Variants in ELMO1 observed in about 807,000 individuals in gnomAD.
ELMO1 encodes engulfment and cell motility 1, also known as engulfment and cell motility protein 1.
A neutral mutation model predicts 98.9 loss-of-function variants in ELMO1; 26 were observed. The observed-to-expected ratio is 0.26, with a 90% CI of 0.19 to 0.36. The LOEUF (loss-of-function observed/expected upper bound fraction) is 0.36, where lower values mean the gene tolerates loss of function less well. Among genes scored for constraint, ELMO1 ranks in the 10% least tolerant of loss-of-function variants. The probability of loss-of-function intolerance (pLI) is 1.00; values close to 1 mark genes in which losing one functional copy is unlikely to be tolerated. For synonymous variants in ELMO1, 346 were observed against 346.0 expected (o/e 1.00, Z 0.00); for missense variants, 627 against 935.2 (o/e 0.67, Z 4.30).
At chr7:37,383,734 G>A (rs1199561693) in intron 1 of ELMO1, among the ~76,000 whole-genome samples, 1 of 152,218 alleles carries the variant, frequency 6.6e-6, no homozygotes, top group Admixed American at 6.5e-5. Context: ...CGGGAAAAGA[G>A]TCTAATCATA....
intron 16 of ELMO1, among the ~76,000 whole-genome samples, chr7:36,984,495 C>T (rs559313109): frequency 2.6e-5 from 4 of 152,282 alleles, no homozygotes; most frequent in East Asian, 1.9e-4. Flanking sequence ...CTTCTATAGG[C>T]GAAAGCTTTC....
intron 9 of ELMO1, among the ~76,000 whole-genome samples, chr7:37,224,290 G>C (rs1231481203): frequency 6.6e-6 from 1 of 152,216 alleles, no homozygotes; most frequent in Non-Finnish European, 1.5e-5. Flanking sequence ...GAGGAAAGAA[G>C]GGGAAAAATG....
At position 37,025,936 on chromosome 7, in the gene ELMO1, T is replaced by TCTA. The variant is rs1554395451; in HGVS notation, c.1301-12502_1301-12501insTAG. On this transcript the variant is annotated intron_variant, in intron 15 of 21. Transcript: ENST00000310758. ...ATCTATCTATCTATCTATCTATCTA[T>TCTA]TTTTTTCTATTGATTCTGTTTCTCT... Among the ~76,000 whole-genome samples, 1,296 of 148,232 alleles carry TCTA rather than the reference T, an allele frequency of 8.7e-3. 17 individuals are homozygous for TCTA. Among genetic ancestry groups the TCTA allele is most frequent in the African/African-American group, 0.03 (1,196 of 39,824 alleles).
At chr7:37,061,511 C>T (rs117898258) in intron 15 of ELMO1, among the ~76,000 whole-genome samples, 12 of 152,252 alleles carry the variant, frequency 7.9e-5, no homozygotes, top group East Asian at 5.8e-4. Flanking sequence ...CACTCCCACC[C>T]GTCCTTTTTT....
intron 1 of ELMO1, among the ~76,000 whole-genome samples, chr7:37,394,567 A>G (rs1803213537): frequency 6.6e-6 from 1 of 152,248 alleles, no homozygotes; most frequent in African/African-American, 2.4e-5. Flanking sequence ...AGCAAGGGGC[A>G]TAAGCATATA....
intron 20 of ELMO1, among the ~76,000 whole-genome samples, chr7:36,863,002 T>C (rs549391658): frequency 1.3e-5 from 2 of 152,202 alleles, no homozygotes; most frequent in Admixed American, 6.5e-5. Flanking sequence ...AGTGGCTGCA[T>C]CCCTGTCCTG....
chr7:37,389,652 G>A (rs1802979975), intron 1 of ELMO1, among the ~76,000 whole-genome samples: 1 of 152,136 alleles, frequency 6.6e-6, no homozygotes, highest in South Asian at 2.1e-4. Flanking sequence ...TAATAGCTTG[G>A]TCACAGGTAG....
intron 13 of ELMO1, among the ~76,000 whole-genome samples, chr7:37,137,383 A>T (rs1787335838): frequency 6.6e-6 from 1 of 152,188 alleles, no homozygotes; most frequent in East Asian, 1.9e-4. Flanking sequence ...AAAGTCAACA[A>T]AGAAACAATG....
At chr7:36,963,933 T>G (rs1789183704) in intron 16 of ELMO1, among the ~76,000 whole-genome samples, 1 of 152,246 alleles carries the variant, frequency 6.6e-6, no homozygotes, top group African/African-American at 2.4e-5. Flanking sequence ...TGCTTTAATG[T>G]GATATCTGAA....
At chr7:37,370,111 G>C (rs540806581) in intron 1 of ELMO1, among the ~76,000 whole-genome samples, 2 of 152,286 alleles carry the variant, frequency 1.3e-5, no homozygotes, top group South Asian at 2.1e-4. Flanking sequence ...GTCAGCCTCC[G>C]CCTCTGCTCT....
At position 37,086,404 on chromosome 7, in the gene ELMO1, CAT is replaced by C. The variant is rs553551131; in HGVS notation, c.1300+10213_1300+10214del. On this transcript the variant is annotated intron_variant, in intron 15 of 21. Coordinates refer to ENST00000310758, the MANE Select transcript of ELMO1 (RefSeq NM_014800.11). ...GAGAAAAAGAGGGTGAATGATAAAA[CAT>C]ATGTGGCAAAATGTTGGCATAACTA... Among the ~76,000 whole-genome samples, 9 of 148,266 alleles carry C rather than the reference CAT, an allele frequency of 6.1e-5. No homozygotes were observed. In the South Asian group the frequency reaches 1.1e-3, roughly 18 times the overall value.
At chr7:37,418,541 G>A (rs184156118) in intron 1 of ELMO1, among the ~76,000 whole-genome samples, 1 of 152,334 alleles carries the variant, frequency 6.6e-6, no homozygotes. Context: ...CCCCTGGGGT[G>A]AGCAAGACCT....
chr7:36,879,753 G>C (rs976429972), intron 18 of ELMO1, among the ~76,000 whole-genome samples: 6 of 152,090 alleles, frequency 3.9e-5, no homozygotes, highest in Non-Finnish European at 8.8e-5. Context: ...GTGGGAAAAG[G>C]GTCATTTAAC....
chr7:37,110,974 A>G (rs1345642458), intron 14 of ELMO1, among the ~76,000 whole-genome samples: 2 of 152,230 alleles, frequency 1.3e-5, no homozygotes, highest in Non-Finnish European at 2.9e-5. Flanking sequence ...GAATTAAGAA[A>G]ATTCTGAATT....
chr7:37,402,198 C>T (rs879897021), intron 1 of ELMO1, among the ~76,000 whole-genome samples: 2 of 152,074 alleles, frequency 1.3e-5, no homozygotes, highest in Non-Finnish European at 2.9e-5. Flanking sequence ...CCTACAGCAA[C>T]AAAAAGTTAC....
Position 37,297,979 on chromosome 7 carries a change from CTAAG to C in ELMO1, c.192+16867_192+16870del, listed in dbSNP as rs534647541. Among the ~76,000 whole-genome samples the C allele has an allele frequency of 2.5e-3, 377 of 152,234 alleles. 2 individuals carry two copies. Among genetic ancestry groups the C allele is most frequent in the African/African-American group, 8.8e-3 (365 of 41,530 alleles). ...TACAGTAGAATGCCATTGGTTTTCT[CTAAG>C]TAATAGGATTTTGATCTTTTTTTAA... On this transcript the variant is annotated intron_variant, in intron 4 of 21. Coordinates refer to ENST00000310758, the MANE Select transcript of ELMO1 (RefSeq NM_014800.11).
chr7:37,434,782 C>T (rs2131574214), intron 1 of ELMO1, among the ~76,000 whole-genome samples: 1 of 152,328 alleles, frequency 6.6e-6, no homozygotes, highest in South Asian at 2.1e-4. Flanking sequence ...TTTACACAGC[C>T]TTCATGTGCT....
intron 13 of ELMO1, among the ~76,000 whole-genome samples, chr7:37,137,066 T>A (rs550472747): frequency 1.8e-4 from 27 of 152,144 alleles, no homozygotes; most frequent in African/African-American, 6.0e-4. Context: ...AGGTAAAGGG[T>A]AAAGGTTAAA....
At chr7:37,030,103 T>C (rs1794796090) in intron 15 of ELMO1, among the ~76,000 whole-genome samples, 1 of 152,048 alleles carries the variant, frequency 6.6e-6, no homozygotes, top group East Asian at 1.9e-4. Flanking sequence ...CGGCCATCTT[T>C]CTCTCTCTCT....
Sources: allele counts gnomAD v4.1 joint callset (sites outside exome capture counted in the v4.1 genomes callset), GRCh38; gene constraint gnomAD v4.1.1; transcripts MANE v1.5; gene names NCBI Gene and HGNC (gene_info 2026-07-23, HGNC 2026-07-21).